LARP4B: variants seen among roughly 807,000 people sequenced by gnomAD.
The protein encoded by LARP4B is La ribonucleoprotein 4B.
In LARP4B, 12 loss-of-function variants were observed where a neutral mutation model predicts 89.8. The observed-to-expected ratio is 0.13, with a 90% CI of 0.09 to 0.22. The LOEUF (loss-of-function observed/expected upper bound fraction) is 0.22. Ranked by LOEUF, LARP4B falls within the 10% of genes least tolerant of loss-of-function variation. The probability of loss-of-function intolerance (pLI) is 1.00; values close to 1 mark genes in which losing one functional copy is unlikely to be tolerated. For synonymous variants in LARP4B, 367 were observed against 363.3 expected, an observed-to-expected ratio of 1.01 and a Z score of -0.12; for missense variants, 757 against 947.7, an observed-to-expected ratio of 0.80 and a Z score of 2.64.
chr10:841,532 T>G (rs1833520918), intron 7 of LARP4B, among the ~76,000 whole-genome samples: 1 of 152,260 alleles, frequency 6.6e-6, no homozygotes, highest in African/African-American at 2.4e-5. Flanking sequence ...AACGACCCCT[T>G]GCCAGTAACA....
intron 5 of LARP4B, among the ~76,000 whole-genome samples, chr10:858,288 G>A (rs1564410508): frequency 1.3e-5 from 2 of 152,080 alleles, no homozygotes; most frequent in Non-Finnish European, 2.9e-5. Flanking sequence ...TGCCACGATC[G>A]TTCTATAGAG....
At chr10:825,984 A>C in intron 11 of LARP4B, 114 bp from the exon 12 acceptor site, 1 of 707,406 alleles carries the variant, frequency 1.4e-6, no homozygotes, top group Non-Finnish European at 2.4e-6. Flanking sequence ...CAGAGTCATG[A>C]CCCATGCTGA....
At position 863,846 on chromosome 10, in the gene LARP4B, C is replaced by T. The variant is rs1370105620; in HGVS notation, c.327G>A (p.Glu109=). The change falls in exon 5 of 18, where the codon GAG becomes GAA. Residue 109 remains glutamate, a synonymous_variant. Transcript: ENST00000316157. ...CCTGCGGGTCTGGCAATGCGGCATT[C>T]TCATGGCCCTGGTCACCATCACCAT... is the stretch of plus-strand genomic sequence containing the variant. ...DANGDGDQGH[E]NAALPDPQES... is the part of the protein sequence containing the mutation. 2 of 1,614,060 alleles carry T rather than the reference C, an allele frequency of 1.2e-6. No individual in the cohort carries two copies. The highest frequency in any genetic ancestry group is 2.2e-5 in the South Asian group (2 of 91,068).
At chr10:901,128 C>CCAGT (rs34659517) in intron 1 of LARP4B, among the ~76,000 whole-genome samples, 224 of 150,380 alleles carry the variant, frequency 1.5e-3, no homozygotes, top group African/African-American at 5.2e-3. Flanking sequence ...ACCATGTTGG[C>CCAGT]CTGGTTTCGA....
rs181493901 is a variant in LARP4B at position 921,210 on chromosome 10, T to G, written c.-40+10218A>C. On this transcript the variant is annotated intron_variant, in intron 1 of 17. Coordinates refer to ENST00000316157, the MANE Select transcript of LARP4B (RefSeq NM_015155.3). Reference sequence around the variant, plus strand: ...ATCGCTTGAACCCAGGAGGTGGAGGTTGCAGTGAGCCGAGATCGCACCATT... The same window carrying G: ...ATCGCTTGAACCCAGGAGGTGGAGGGTGCAGTGAGCCGAGATCGCACCATT... 6.7e-4 allele frequency among the ~76,000 whole-genome samples: 102 copies of G among 151,510 alleles called. 1 individual carries two copies. The highest frequency in any genetic ancestry group is 4.4e-5 in the Non-Finnish European group (3 of 67,860).
chr10:858,928 G>T (rs1834444973), intron 5 of LARP4B, among the ~76,000 whole-genome samples: 1 of 152,218 alleles, frequency 6.6e-6, no homozygotes, highest in African/African-American at 2.4e-5. Flanking sequence ...GAGGCAGACA[G>T]ATCACCTGAG....
In LARP4B at chr10:825,094, G is replaced by T; in HGVS notation, c.1455C>A (p.Leu485=). ...AGPGRVEPGS[L]ESSPGLGRGR... ...CCCTCCCTAAACCAGGAGAGGATTC[G>T]AGACTGCCTGGCTCCACACGCCCAG... Residue 485 remains leucine (L), a synonymous_variant, in exon 13 of 18, where the codon CTC becomes CTA. Coordinates refer to ENST00000316157, the MANE Select transcript of LARP4B (RefSeq NM_015155.3). The T allele has an allele frequency of 6.2e-7, 1 of 1,614,166 alleles. No homozygotes were observed. The highest frequency in any genetic ancestry group is 8.5e-7 in the Non-Finnish European group (1 of 1,180,024).
At chr10:966,262 C>T in the LARP4B span, among the ~76,000 whole-genome samples, 4 of 152,168 alleles carry the variant, frequency 2.6e-5, no homozygotes, top group South Asian at 2.1e-4. Context: ...CAAGACCAGC[C>T]TGGCTAACAT....
Position 909,077 on chromosome 10 carries a change from A to G in LARP4B, c.-40+22351T>C, listed in dbSNP as rs143177474. Among the ~76,000 whole-genome samples the G allele has an allele frequency of 3.4e-3, 524 of 151,886 alleles. 2 individuals carry two copies. The highest frequency in any genetic ancestry group is 1.0e-2 in the African/African-American group (413 of 41,422). ...TGGGAGGCTGAGGCGGGCAGATCAC[A>G]AGGTCAGGAGATCAAGATCATCCTG... is the stretch of plus-strand genomic sequence containing the variant. On this transcript the variant is annotated intron_variant, in intron 1 of 17. Transcript: ENST00000316157.
the LARP4B span, among the ~76,000 whole-genome samples, chr10:967,041 A>T: frequency 5.9e-5 from 9 of 152,206 alleles, no homozygotes; most frequent in Non-Finnish European, 1.2e-4. Flanking sequence ...AGCCACAAAG[A>T]TCCTAACAGG....
Position 877,452 on chromosome 10 carries a change from T to C in LARP4B, c.141+6995A>G, listed in dbSNP as rs1008732841. ...CTGAGTGTTTTAAATTATTTCCTTC[T>C]GGTTTCTCTTTTTAAATGAAATAAC... On this transcript the variant is annotated intron_variant, in intron 3 of 17. Transcript: ENST00000316157. Among the ~76,000 whole-genome samples the C allele has an allele frequency of 2.0e-5, 3 of 152,184 alleles. 1 individual carries two copies. Among genetic ancestry groups the C allele is most frequent in the Admixed American group, 2.0e-4 (3 of 15,282 alleles).
the LARP4B span, among the ~76,000 whole-genome samples, chr10:982,683 A>G: frequency 1.3e-5 from 2 of 152,302 alleles, no homozygotes; most frequent in South Asian, 2.1e-4. Context: ...GTACTTTCCC[A>G]TTTTGAATGT....
rs180848570 is a variant in LARP4B at position 879,385 on chromosome 10, T to G, written c.141+5062A>C. Among the ~76,000 whole-genome samples the G allele has an allele frequency of 1.3e-3, 193 of 152,364 alleles. 2 individuals are homozygous for G. The highest frequency in any genetic ancestry group is 5.0e-4 in the Non-Finnish European group (34 of 68,032). On this transcript the variant is annotated intron_variant, in intron 3 of 17. Coordinates refer to ENST00000316157, the MANE Select transcript of LARP4B (RefSeq NM_015155.3). ...ACACTCTGGGGGTAAATGGATTGTT[T>G]TGTCACTAAATCATGCTGAGGTAAA...
chr10:871,780 A>G (rs1835211965), intron 3 of LARP4B, among the ~76,000 whole-genome samples: 1 of 152,158 alleles, frequency 6.6e-6, no homozygotes, highest in Admixed American at 6.5e-5. Flanking sequence ...AATCAATTCT[A>G]TCTAGACCAA....
At chr10:929,136 T>A (rs1467065482) in intron 1 of LARP4B, among the ~76,000 whole-genome samples, 1 of 152,120 alleles carries the variant, frequency 6.6e-6, no homozygotes, top group East Asian at 1.9e-4. Context: ...TGGTTCCTAC[T>A]CAAAAAGAGT....
chr10:878,742 G>A (rs1283955665), intron 3 of LARP4B, among the ~76,000 whole-genome samples: 1 of 152,200 alleles, frequency 6.6e-6, no homozygotes, highest in African/African-American at 2.4e-5. Flanking sequence ...TCCCAGTGAT[G>A]TGACTATTCT....
rs754364324 is a variant in LARP4B, at chr10:817,824, G to C, written c.1596C>G (p.Ser532=). Residue 532 remains serine (S), a synonymous_variant, in exon 15 of 18, where the codon TCC becomes TCG. Transcript: ENST00000316157. The part of the protein sequence containing the change: ...PPSPSFELGL[S]SFPPLPGAAG... ...CAGCTCCAGGTAATGGAGGGAAGCT[G>C]GACAGCCCCAGCTCGAAGCTTGGCG... 6.2e-7 allele frequency: 1 copy of C among 1,614,190 alleles called. No homozygotes were observed. Among genetic ancestry groups the C allele is most frequent in the South Asian group, 1.1e-5 (1 of 91,068 alleles).
At chr10:906,038 T>A (rs1214167294) in intron 1 of LARP4B, among the ~76,000 whole-genome samples, 1 of 152,240 alleles carries the variant, frequency 6.6e-6, no homozygotes, top group Non-Finnish European at 1.5e-5. Flanking sequence ...ATCATAAAGA[T>A]GAATACATAA....
chr10:941,561 A>G, the LARP4B span, among the ~76,000 whole-genome samples: 1 of 152,104 alleles, frequency 6.6e-6, no homozygotes, highest in South Asian at 2.1e-4. Flanking sequence ...ACCTCAGGTG[A>G]TCCGCCCGCC....
Sources: allele counts gnomAD v4.1 joint callset (sites outside exome capture counted in the v4.1 genomes callset), GRCh38; gene constraint gnomAD v4.1.1; transcripts MANE v1.5; gene names NCBI Gene and HGNC (gene_info 2026-07-23, HGNC 2026-07-21).